The following TDRD9 variants were observed in gnomAD, a reference collection of about 807,000 sequenced individuals.
TDRD9 encodes tudor domain containing 9.
A neutral mutation model predicts 172.6 loss-of-function variants in TDRD9; 124 were observed. The ratio of observed to expected loss-of-function variants is 0.72; its 90% CI spans 0.62 to 0.83. TDRD9 has a LOEUF of 0.83. Among genes scored for constraint, TDRD9 ranks in the 40% least tolerant of loss-of-function variants. The pLI, the probability that TDRD9 is intolerant of heterozygous loss-of-function variation, is 0.00. For synonymous variants in TDRD9, 619 were observed against 617.1 expected (o/e 1.00, Z -0.05); for missense variants, 1,479 against 1,714.1 (o/e 0.86, Z 2.42).
At chr14:103,959,491 TAC>T (rs147603782) in intron 2 of TDRD9, among the ~76,000 whole-genome samples, 3,052 of 148,268 alleles carry the variant, frequency 0.021, 127 homozygotes, top group Admixed American at 0.12. Flanking sequence ...TATGTATACA[TAC>T]ACACACACAC....
chr14:104,020,691 G>A (rs1010736437), intron 23 of TDRD9, among the ~76,000 whole-genome samples: 10 of 152,278 alleles, frequency 6.6e-5, no homozygotes, highest in African/African-American at 1.7e-4. Flanking sequence ...CCTGCTGGGC[G>A]TCTTTCCAAA....
intron 1 of TDRD9, among the ~76,000 whole-genome samples, chr14:103,944,329 A>C (rs1453919411): frequency 6.6e-6 from 1 of 152,070 alleles, no homozygotes; most frequent in Non-Finnish European, 1.5e-5. Context: ...GCTTTGGTTC[A>C]ACTGTTTTTT....
chr14:104,001,711 C>G (rs2080802747), intron 13 of TDRD9, among the ~76,000 whole-genome samples: 3 of 152,132 alleles, frequency 2.0e-5, no homozygotes, highest in African/African-American at 7.2e-5. Context: ...TGGGTTTAAG[C>G]AATTCTCCTG....
At chr14:103,933,566 ATT>A (rs914159783) in intron 1 of TDRD9, among the ~76,000 whole-genome samples, 2 of 151,902 alleles carry the variant, frequency 1.3e-5, no homozygotes, top group African/African-American at 4.8e-5. Context: ...TACTATTATT[ATT>A]TTAAAAAATA....
chr14:103,952,190 G>GTGTGTATATATATATA (rs1366094210), intron 1 of TDRD9, among the ~76,000 whole-genome samples: 3 of 55,530 alleles, frequency 5.4e-5, no homozygotes, highest in Non-Finnish European at 3.1e-5. Context: ...GCGTGTGTGT[G>GTGTGTATATATATATA]TATATATATA....
At chr14:103,999,822 G>C (rs1230067227) in intron 13 of TDRD9, among the ~76,000 whole-genome samples, 6 of 152,100 alleles carry the variant, frequency 3.9e-5, no homozygotes. Context: ...TACATGGTGT[G>C]TTAATTAAGA....
At chr14:103,948,291 A>G (rs2031679427) in intron 1 of TDRD9, among the ~76,000 whole-genome samples, 1 of 152,066 alleles carries the variant, frequency 6.6e-6, no homozygotes, top group Non-Finnish European at 1.5e-5. Flanking sequence ...TGCTGGGAGT[A>G]TAGGCATGAG....
chr14:104,042,221 C>T, intron 34 of TDRD9, 34 bp downstream of exon 34: 1 of 1,431,080 alleles, frequency 7.0e-7, no homozygotes, highest in Admixed American at 1.7e-5. Context: ...TTCTTTTCTT[C>T]CCAGTCAACT....
intron 2 of TDRD9, among the ~76,000 whole-genome samples, chr14:103,960,679 G>C (rs1312840770): frequency 6.6e-6 from 1 of 152,178 alleles, no homozygotes; most frequent in Non-Finnish European, 1.5e-5. Context: ...ATTTGTGCTG[G>C]GTCTGCTTCA....
At chr14:103,973,456 C>A (rs1181778605) in intron 6 of TDRD9, among the ~76,000 whole-genome samples, 1 of 152,194 alleles carries the variant, frequency 6.6e-6, no homozygotes, top group African/African-American at 2.4e-5. Context: ...AGCCACTGAC[C>A]TTGTTGTCAC....
intron 20 of TDRD9, among the ~76,000 whole-genome samples, chr14:104,012,491 A>G (rs1365830658): frequency 2.7e-5 from 4 of 148,732 alleles, no homozygotes; most frequent in Admixed American, 1.3e-4. Context: ...GGGAAGGAGT[A>G]GGTGTGGGAT....
chr14:104,027,014 C>A, intron 28 of TDRD9, 75 bp downstream of exon 28: 1 of 1,505,664 alleles, frequency 6.6e-7, no homozygotes, highest in Non-Finnish European at 9.0e-7. Context: ...CCTCTGTGGA[C>A]CCTGAGATAG....
chr14:103,991,762 T>A (rs998152897), intron 9 of TDRD9, among the ~76,000 whole-genome samples: 5 of 146,770 alleles, frequency 3.4e-5, no homozygotes, highest in African/African-American at 1.3e-4. Context: ...GAGTTCAATT[T>A]TTTTTTTTTT....
intron 13 of TDRD9, among the ~76,000 whole-genome samples, chr14:104,003,250 G>A (rs950758356): frequency 2.0e-5 from 3 of 152,018 alleles, no homozygotes; most frequent in Non-Finnish European, 2.9e-5. Context: ...TTAGAGTAGC[G>A]GGGACCTCTT....
chr14:103,930,742 CCTA>C (rs1478529240), intron 1 of TDRD9, among the ~76,000 whole-genome samples: 7 of 152,130 alleles, frequency 4.6e-5, no homozygotes, highest in Non-Finnish European at 2.9e-5. Flanking sequence ...GGCCGCCTCC[CCTA>C]CTTAATGGTC....
In TDRD9 at chr14:103,994,402, T is replaced by TA. The variant is rs2033981803; in HGVS notation, c.1235+17dup. The TA allele has an allele frequency of 2.5e-6, 4 of 1,611,932 alleles. No homozygotes were observed. In the South Asian group the frequency reaches 4.4e-5, roughly 18 times the overall value. On this transcript the variant is annotated intron_variant, in intron 10 of 35. Coordinates refer to ENST00000409874, the MANE Select transcript of TDRD9 (RefSeq NM_153046.3). The stretch of plus-strand genomic sequence containing the variant: ...TTCATAAAAGGTATGTTGAAAATGA[T>TA]ACAGCTGTATTCTTCTAAGCCATTG...
intron 7 of TDRD9, among the ~76,000 whole-genome samples, chr14:103,983,970 G>A (rs2033577479): frequency 6.6e-6 from 1 of 152,168 alleles, no homozygotes; most frequent in Non-Finnish European, 1.5e-5. Flanking sequence ...GGTGACTCTT[G>A]TTATGTTTTA....
intron 19 of TDRD9, 149 bp downstream of exon 19, chr14:104,007,353 G>A (rs2034474673): frequency 2.8e-6 from 2 of 712,876 alleles, no homozygotes; most frequent in Non-Finnish European, 2.3e-6. Context: ...GCTGTCCCAA[G>A]AGTGGCAGGC....
At chr14:104,051,743 GTCT>G (rs2035940781) in intron 35 of TDRD9, among the ~76,000 whole-genome samples, 3 of 152,296 alleles carry the variant, frequency 2.0e-5, no homozygotes, top group Admixed American at 2.0e-4. Flanking sequence ...GCCCTTCAGT[GTCT>G]TCTTTTGAGA....
Sources: allele counts gnomAD v4.1 joint callset (sites outside exome capture counted in the v4.1 genomes callset), GRCh38; gene constraint gnomAD v4.1.1; transcripts MANE v1.5; gene names NCBI Gene and HGNC (gene_info 2026-07-23, HGNC 2026-07-21).